Variants in LYPD6B observed in about 807,000 individuals in gnomAD.
The protein encoded by LYPD6B is ly6/PLAUR domain-containing protein 6B.
In LYPD6B, 17 loss-of-function variants were observed where a neutral mutation model predicts 22.8. The ratio of observed to expected loss-of-function variants is 0.75; its 90% CI spans 0.51 to 1.12. The LOEUF (loss-of-function observed/expected upper bound fraction) is 1.12. Ranked by LOEUF, LYPD6B falls within the 50% of genes most tolerant of loss-of-function variation. The pLI, the probability that LYPD6B is intolerant of heterozygous loss-of-function variation, is 0.00. For synonymous variants in LYPD6B, 106 were observed against 91.6 expected (o/e 1.16, Z -0.90); for missense variants, 221 against 258.3 (o/e 0.86, Z 0.99).
chr2:149,093,653 T>C (rs1318998472), intron 1 of LYPD6B, among the ~76,000 whole-genome samples: 1 of 152,220 alleles, frequency 6.6e-6, no homozygotes, highest in Non-Finnish European at 1.5e-5. Flanking sequence ...ACATATATGT[T>C]CCAGCATCAC....
intron 1 of LYPD6B, among the ~76,000 whole-genome samples, chr2:149,095,340 C>CT (rs1558994134): frequency 6.6e-6 from 1 of 152,076 alleles, no homozygotes; most frequent in Non-Finnish European, 1.5e-5. Context: ...GTTGGAAGGA[C>CT]TTTTTTAAAA....
chr2:149,109,141 C>T (rs1686637243), intron 1 of LYPD6B, among the ~76,000 whole-genome samples: 1 of 152,132 alleles, frequency 6.6e-6, no homozygotes, highest in South Asian at 2.1e-4. Flanking sequence ...TGGTACTTTT[C>T]ATTCCTTTAT....
intron 1 of LYPD6B, among the ~76,000 whole-genome samples, chr2:149,071,982 A>C (rs181778581): frequency 6.6e-6 from 1 of 152,144 alleles, no homozygotes; most frequent in East Asian, 1.9e-4. Context: ...CCCAAGCTGG[A>C]CTACAGTGGC....
At chr2:149,168,736 T>A (rs1690607383) in intron 3 of LYPD6B, among the ~76,000 whole-genome samples, 2 of 152,230 alleles carry the variant, frequency 1.3e-5, no homozygotes, top group African/African-American at 4.8e-5. Flanking sequence ...AATGAATGAA[T>A]GTGTTTGGAC....
At chr2:149,054,666 A>G (rs1301936957) in intron 1 of LYPD6B, among the ~76,000 whole-genome samples, 1 of 152,186 alleles carries the variant, frequency 6.6e-6, no homozygotes, top group Non-Finnish European at 1.5e-5. Context: ...ACTTGAGATT[A>G]GAAATTCAAG....
chr2:149,196,703 T>A (rs1692833184), intron 3 of LYPD6B, among the ~76,000 whole-genome samples: 2 of 152,230 alleles, frequency 1.3e-5, no homozygotes, highest in South Asian at 4.1e-4. Context: ...TTCAATAAAA[T>A]ATATGTATGT....
intron 2 of LYPD6B, among the ~76,000 whole-genome samples, chr2:149,142,860 T>C (rs1451278640): frequency 6.6e-6 from 1 of 152,178 alleles, no homozygotes; most frequent in Non-Finnish European, 1.5e-5. Context: ...TTCACCTGAT[T>C]ACAAGCTACG....
chr2:149,100,347 T>A (rs1276981980), intron 1 of LYPD6B, among the ~76,000 whole-genome samples: 2 of 148,044 alleles, frequency 1.4e-5, no homozygotes, highest in Non-Finnish European at 3.0e-5. Context: ...CTTTCAAAAT[T>A]AGTATTCAAA....
At chr2:149,067,419 A>G (rs541642744) in intron 1 of LYPD6B, among the ~76,000 whole-genome samples, 1 of 152,252 alleles carries the variant, frequency 6.6e-6, no homozygotes, top group Admixed American at 6.5e-5. Flanking sequence ...TCCATTATAA[A>G]TTAATACATG....
intron 1 of LYPD6B, among the ~76,000 whole-genome samples, chr2:149,073,626 G>A (rs554088565): frequency 3.9e-5 from 6 of 152,080 alleles, no homozygotes; most frequent in South Asian, 2.1e-4. Context: ...TCTTCCACTC[G>A]GTGCTTTTGC....
chr2:149,175,061 C>CTCTGTGTGTGTGTGTG (rs1454802925), intron 3 of LYPD6B, among the ~76,000 whole-genome samples: 2 of 113,002 alleles, frequency 1.8e-5, no homozygotes, highest in African/African-American at 6.5e-5. Context: ...CTCTCTCTCT[C>CTCTGTGTGTGTGTGTG]TGTGTGTGTG....
At chr2:149,052,956 G>A (rs930042839) in intron 1 of LYPD6B, among the ~76,000 whole-genome samples, 5 of 152,234 alleles carry the variant, frequency 3.3e-5, no homozygotes, top group African/African-American at 1.2e-4. Flanking sequence ...TGATGGAAAT[G>A]CTGTCTGCCA....
intron 1 of LYPD6B, among the ~76,000 whole-genome samples, chr2:149,043,951 T>A (rs896489129): frequency 6.6e-6 from 1 of 152,082 alleles, no homozygotes; most frequent in African/African-American, 2.4e-5. Flanking sequence ...AATGTAAGGG[T>A]TTATTACTAG....
chr2:149,127,495 A>G (rs1318597600), intron 1 of LYPD6B, among the ~76,000 whole-genome samples: 1 of 152,238 alleles, frequency 6.6e-6, no homozygotes, highest in Non-Finnish European at 1.5e-5. Flanking sequence ...CTCTGGTTCC[A>G]GAGGACTTAG....
intron 1 of LYPD6B, among the ~76,000 whole-genome samples, chr2:149,108,616 A>G (rs1443664076): frequency 7.9e-5 from 12 of 152,174 alleles, no homozygotes; most frequent in Non-Finnish European, 1.5e-5. Context: ...TATAGGCAGC[A>G]TATGATTGGA....
intron 1 of LYPD6B, among the ~76,000 whole-genome samples, chr2:149,046,495 C>T (rs1485720097): frequency 6.6e-6 from 1 of 151,096 alleles, no homozygotes; most frequent in Non-Finnish European, 1.5e-5. Flanking sequence ...GTTTCTTGAG[C>T]TTTTTTTGTT....
chr2:149,079,614 C>CT (rs560022850), intron 1 of LYPD6B, among the ~76,000 whole-genome samples: 37 of 152,152 alleles, frequency 2.4e-4, no homozygotes, highest in Admixed American at 2.2e-3. Flanking sequence ...TTCGTATTCT[C>CT]TTTTTTTTCT....
intron 1 of LYPD6B, among the ~76,000 whole-genome samples, chr2:149,107,740 A>G (rs574836994): frequency 2.0e-5 from 3 of 152,290 alleles, no homozygotes; most frequent in East Asian, 3.9e-4. Context: ...CATATTTTCT[A>G]TGACTTGAAT....
chr2:149,113,366 C>G (rs910277463), intron 1 of LYPD6B, among the ~76,000 whole-genome samples: 3 of 152,076 alleles, frequency 2.0e-5, no homozygotes, highest in Non-Finnish European at 4.4e-5. Context: ...TGGTTTTGCT[C>G]AAAGACTTGT....
Sources: allele counts gnomAD v4.1 joint callset (sites outside exome capture counted in the v4.1 genomes callset), GRCh38; gene constraint gnomAD v4.1.1; transcripts MANE v1.5; gene names NCBI Gene and HGNC (gene_info 2026-07-23, HGNC 2026-07-21).